NRG3: variants seen among roughly 807,000 people sequenced by gnomAD.
NRG3 encodes pro-neuregulin-3, membrane-bound isoform.
In NRG3, 31 loss-of-function variants were observed where a neutral mutation model predicts 66.9. The observed-to-expected ratio is 0.46, with a 90% CI of 0.35 to 0.63. NRG3 has a LOEUF of 0.63. Among genes scored for constraint, NRG3 ranks in the 20% least tolerant of loss-of-function variants. The pLI, the probability that NRG3 is intolerant of heterozygous loss-of-function variation, is 0.00. For synonymous variants in NRG3, 393 were observed against 359.4 expected (o/e 1.09, Z -1.06); for missense variants, 910 against 878.9 (o/e 1.04, Z -0.45).
At chr10:82,797,875 A>G (rs1479221131) in intron 3 of NRG3, among the ~76,000 whole-genome samples, 1 of 152,160 alleles carries the variant, frequency 6.6e-6, no homozygotes, top group Non-Finnish European at 1.5e-5. Flanking sequence ...AGGGCAACAG[A>G]TTCTCAACCT....
intron 4 of NRG3, among the ~76,000 whole-genome samples, chr10:82,879,399 A>G (rs1460236555): frequency 6.6e-6 from 1 of 151,748 alleles, no homozygotes; most frequent in South Asian, 2.1e-4. Flanking sequence ...TCAATCAGCG[A>G]TCTTCTTTCT....
intron 1 of NRG3, among the ~76,000 whole-genome samples, chr10:82,338,894 A>C (rs781054278): frequency 1.8e-4 from 27 of 152,222 alleles, no homozygotes; most frequent in Admixed American, 5.2e-4. Context: ...GGATATTTAG[A>C]ACTCGGCACA....
chr10:81,971,350 G>T (rs1247859103), intron 1 of NRG3, among the ~76,000 whole-genome samples: 1 of 152,164 alleles, frequency 6.6e-6, no homozygotes, highest in South Asian at 2.1e-4. Context: ...TGTTGTAAAG[G>T]TGAGGACGAA....
intron 1 of NRG3, chr10:81,889,133 C>G (rs549765813): frequency 6.6e-6 from 1 of 152,122 alleles, no homozygotes; most frequent in African/African-American, 2.4e-5. Context: ...AGAAGAATAA[C>G]AAGAAGGAAC....
At chr10:82,126,388 G>T (rs2068450646) in intron 1 of NRG3, among the ~76,000 whole-genome samples, 1 of 151,946 alleles carries the variant, frequency 6.6e-6, no homozygotes, top group South Asian at 2.1e-4. Context: ...CATAGAAGCT[G>T]CAACATGAGA....
At chr10:82,560,887 T>A (rs2133009286) in intron 2 of NRG3, among the ~76,000 whole-genome samples, 1 of 152,140 alleles carries the variant, frequency 6.6e-6, no homozygotes, top group South Asian at 2.1e-4. Flanking sequence ...AGTTTTTCAA[T>A]GATGCATGAG....
rs1846854127 is a variant in NRG3, at chr10:82,925,103, G to A, written c.1055-26366G>A. Among the ~76,000 whole-genome samples, 3 of 152,264 alleles carry A rather than the reference G, an allele frequency of 2.0e-5. No individual in the cohort carries two copies. The South Asian group carries it at 6.2e-4, about 32-fold the overall frequency. On this transcript the variant is annotated intron_variant, in intron 4 of 8. Transcript: ENST00000372141. The stretch of plus-strand genomic sequence containing the variant: ...TTTACAGATGAGGGCCCTGAGACTA[G>A]GGGAAGACAAAGAATTCCTCAAAGT...
chr10:82,501,060 A>G (rs1215538182), intron 2 of NRG3, among the ~76,000 whole-genome samples: 1 of 152,138 alleles, frequency 6.6e-6, no homozygotes, highest in Admixed American at 6.5e-5. Flanking sequence ...TGTGTCTGGG[A>G]TATCTCTACC....
chr10:82,536,004 A>G (rs1847778792), intron 2 of NRG3, among the ~76,000 whole-genome samples: 1 of 151,272 alleles, frequency 6.6e-6, no homozygotes, highest in Non-Finnish European at 1.5e-5. Context: ...CCTTAAGCTG[A>G]GATATTCGCC....
chr10:82,252,799 C>G (rs1046951953), intron 1 of NRG3, among the ~76,000 whole-genome samples: 2 of 152,058 alleles, frequency 1.3e-5, no homozygotes, highest in African/African-American at 4.8e-5. Context: ...ATAGTGGGTA[C>G]AGAATAATGC....
intron 2 of NRG3, among the ~76,000 whole-genome samples, chr10:82,583,236 AAAAC>A (rs1440799120): frequency 3.3e-5 from 5 of 152,210 alleles, no homozygotes; most frequent in Non-Finnish European, 1.5e-5. Context: ...TCAGTTTTAC[AAAAC>A]AATCAATAGT....
chr10:82,579,081 C>T (rs958193027), intron 2 of NRG3, among the ~76,000 whole-genome samples: 4 of 151,634 alleles, frequency 2.6e-5, no homozygotes, highest in Non-Finnish European at 4.4e-5. Flanking sequence ...ATTCAGTCTA[C>T]TTTATGAGGT....
At chr10:82,252,467 A>G (rs1309694601) in intron 1 of NRG3, among the ~76,000 whole-genome samples, 4 of 152,162 alleles carry the variant, frequency 2.6e-5, no homozygotes, top group African/African-American at 9.7e-5. Flanking sequence ...GGTACTTTCC[A>G]TGCCTACTTC....
chr10:82,075,454 G>A (rs12264148), intron 1 of NRG3, among the ~76,000 whole-genome samples: 1 of 152,068 alleles, frequency 6.6e-6, no homozygotes, highest in African/African-American at 2.4e-5. Flanking sequence ...TGAAGATTTA[G>A]CATGTTTAAG....
chr10:82,361,448 T>C (rs2084136015), intron 2 of NRG3, among the ~76,000 whole-genome samples: 2 of 152,198 alleles, frequency 1.3e-5, no homozygotes, highest in African/African-American at 4.8e-5. Flanking sequence ...TTGCTGTGAA[T>C]AAAAGGCTTA....
At chr10:82,135,705 C>A (rs571299964) in intron 1 of NRG3, among the ~76,000 whole-genome samples, 1 of 152,090 alleles carries the variant, frequency 6.6e-6, no homozygotes, top group South Asian at 2.1e-4. Flanking sequence ...TCAATCTTTT[C>A]GTTAAATTTA....
intron 4 of NRG3, among the ~76,000 whole-genome samples, chr10:82,915,163 C>T (rs1923568): frequency 0.3 from 45,270 of 152,018 alleles, 7,077 homozygotes; most frequent in East Asian, 0.54. Context: ...GTTTCTGACT[C>T]CAGCAATGGC....
chr10:82,018,260 T>C (rs973693915), intron 1 of NRG3, among the ~76,000 whole-genome samples: 2 of 152,210 alleles, frequency 1.3e-5, no homozygotes, highest in African/African-American at 4.8e-5. Context: ...TGTGGTATTG[T>C]TTCTGAGGGC....
At chr10:82,016,028 T>C (rs1436538577) in intron 1 of NRG3, among the ~76,000 whole-genome samples, 1 of 150,606 alleles carries the variant, frequency 6.6e-6, no homozygotes, top group African/African-American at 2.4e-5. Context: ...TTAATAAAAA[T>C]ATGAGGTAGT....
Sources: allele counts gnomAD v4.1 joint callset (sites outside exome capture counted in the v4.1 genomes callset), GRCh38; gene constraint gnomAD v4.1.1; transcripts MANE v1.5; gene names NCBI Gene and HGNC (gene_info 2026-07-23, HGNC 2026-07-21).